Variants in CBFB observed in about 807,000 individuals in gnomAD.
CBFB encodes core-binding factor subunit beta, also known as CBF-beta.
CBFB carries 9 observed loss-of-function variants against 30.4 expected under a neutral mutation model. That is an observed-to-expected ratio of 0.30 (90% CI 0.18 to 0.52). CBFB has a LOEUF of 0.52. CBFB is among the 20% of genes least tolerant of loss of function. CBFB has a pLI of 0.97. For missense variants in CBFB, 170 were observed against 244.0 expected (o/e 0.70, Z 2.02); for synonymous variants, 94 against 84.0 (o/e 1.12, Z -0.65).
chr16:67,073,670 A>G (rs1160063265), intron 4 of CBFB, among the ~76,000 whole-genome samples: 1 of 152,136 alleles, frequency 6.6e-6, no homozygotes, highest in African/African-American at 2.4e-5. Context: ...TAAACCCAGG[A>G]GGTGGAGGTT....
At chr16:67,043,201 G>A (rs1362393731) in intron 3 of CBFB, among the ~76,000 whole-genome samples, 1 of 152,170 alleles carries the variant, frequency 6.6e-6, no homozygotes, top group Non-Finnish European at 1.5e-5. Flanking sequence ...CCAGGAGGCT[G>A]GGATCATTGA....
intron 5 of CBFB, among the ~76,000 whole-genome samples, chr16:67,094,850 A>G (rs1392070223): frequency 6.6e-6 from 1 of 152,232 alleles, no homozygotes; most frequent in East Asian, 1.9e-4. Flanking sequence ...ATTGAAAAGA[A>G]TGTGCTAAAA....
At chr16:67,079,047 T>C (rs551237709) in intron 4 of CBFB, among the ~76,000 whole-genome samples, 4 of 152,344 alleles carry the variant, frequency 2.6e-5, no homozygotes, top group African/African-American at 7.2e-5. Flanking sequence ...AGCATTCTTT[T>C]GCGGCTACCT....
At chr16:67,098,111 G>T (rs565317168) in intron 5 of CBFB, among the ~76,000 whole-genome samples, 1 of 146,028 alleles carries the variant, frequency 6.8e-6, no homozygotes, top group Admixed American at 6.6e-5. Context: ...TTGTTGTGGG[G>T]TTTTTTGTTT....
At position 67,085,349 on chromosome 16, in the gene CBFB, T is replaced by C. The variant is rs557112519; in HGVS notation, c.495+3041T>C. Among the ~76,000 whole-genome samples the C allele has an allele frequency of 2.0e-5, 3 of 152,206 alleles. No homozygotes were observed. The East Asian group carries it at 5.8e-4, about 29-fold the overall frequency. On this transcript the variant is annotated intron_variant, in intron 5 of 5. Transcript: ENST00000412916. ...CACGCCCGGCAAATTTTTGTATTTT[T>C]AGTAGACACGAGGTTTCACCATGTT...
rs199920770 is a variant in CBFB at position 67,033,822 on chromosome 16, T to TG, written c.166-2817_166-2816insG. Among the ~76,000 whole-genome samples the TG allele has an allele frequency of 1.7e-3, 239 of 143,266 alleles. 1 individual carries two copies. Among genetic ancestry groups the TG allele is most frequent in the African/African-American group, 2.4e-3 (92 of 38,246 alleles). The allele number at this position is 143,266 out of a possible 152,430, so 94.0% of individuals were successfully genotyped here. On this transcript the variant is annotated intron_variant, in intron 2 of 5. Transcript: ENST00000412916. Reference sequence around the variant, plus strand: ...GTAGAGACAGAGTTTCACCGTTGTTTTTTTTTTTTTTTTTTTTGAGACGGC... The same window carrying TG: ...GTAGAGACAGAGTTTCACCGTTGTTTGTTTTTTTTTTTTTTTTTGAGACGGC...
rs545530436 is a variant in CBFB, at chr16:67,082,142, A to C, written c.400-71A>C. ...CCACTGTTTCAGGAAAAAAAAAAAA[A>C]AAACAAAACCCAAATATTGTATTTT... is the stretch of plus-strand genomic sequence containing the variant. On this transcript the variant is annotated intron_variant, in intron 4 of 5. Transcript: ENST00000412916. 5 of 1,322,168 alleles carry C rather than the reference A, an allele frequency of 3.8e-6. No homozygotes were observed. The African/African-American group carries it at 6.0e-5, about 16-fold the overall frequency. 81.9% of individuals were successfully genotyped at this position (1,322,168 alleles called of 1,614,324 possible). A position where few individuals can be genotyped will look rare whatever the true frequency, so the allele number is the denominator to read the frequency against.
chr16:67,080,926 G>T (rs1187244748), intron 4 of CBFB, among the ~76,000 whole-genome samples: 4 of 152,058 alleles, frequency 2.6e-5, no homozygotes, highest in African/African-American at 9.7e-5. Flanking sequence ...TGTTTCCAAG[G>T]TGTGGCATAA....
intron 4 of CBFB, 103 bp from the exon 5 acceptor site, chr16:67,082,110 C>T (rs1361547741): frequency 8.7e-6 from 8 of 923,278 alleles, no homozygotes; most frequent in Admixed American, 3.0e-5. Flanking sequence ...TGAGCCACTG[C>T]GCCCGGCCAC....
At chr16:67,046,910 T>A (rs112263671) in intron 3 of CBFB, among the ~76,000 whole-genome samples, 6 of 152,198 alleles carry the variant, frequency 3.9e-5, no homozygotes, top group Middle Eastern at 3.2e-3. Flanking sequence ...TTCCTTTTTT[T>A]ATGAAAGTAT....
At chr16:67,095,429 A>C (rs183155888) in intron 5 of CBFB, among the ~76,000 whole-genome samples, 76 of 152,204 alleles carry the variant, frequency 5.0e-4, no homozygotes, top group African/African-American at 1.8e-3. Context: ...AGGCAGGGGA[A>C]TTGCTTGAAC....
intron 3 of CBFB, among the ~76,000 whole-genome samples, chr16:67,045,930 G>A (rs1024798393): frequency 2.6e-5 from 4 of 151,678 alleles, no homozygotes; most frequent in Non-Finnish European, 4.4e-5. Flanking sequence ...CAAGTAGCTG[G>A]GATTACAGGC....
chr16:67,066,786 G>A lies in CBFB; in HGVS notation c.387G>A (p.Glu129=). 2 of 1,596,800 alleles carry A rather than the reference G, an allele frequency of 1.3e-6. No individual in the cohort carries two copies. The highest frequency in any genetic ancestry group is 1.7e-6 in the Non-Finnish European group (2 of 1,166,536). The change falls in exon 4 of 6, where the codon GAG becomes GAA. Residue 129 remains glutamate, a synonymous_variant. Coordinates refer to ENST00000412916, the MANE Select transcript of CBFB (RefSeq NM_022845.3). ...GTATGGGCTGTCTGGAGTTTGATGA[G>A]GAGCGAGCCCAGGTAGGGTAACATC... ...LDGMGCLEFD[E]ERAQQEDALA... is the part of the protein sequence containing the mutation.
chr16:67,052,167 A>C (rs558837979), intron 3 of CBFB, among the ~76,000 whole-genome samples: 1 of 152,164 alleles, frequency 6.6e-6, no homozygotes, highest in Non-Finnish European at 1.5e-5. Context: ...GGCGTGAGCC[A>C]CTGTGCCTGA....
intron 3 of CBFB, among the ~76,000 whole-genome samples, chr16:67,047,643 G>C (rs1966651904): frequency 1.3e-5 from 2 of 152,160 alleles, no homozygotes; most frequent in African/African-American, 4.8e-5. Flanking sequence ...GGCCCTGTTT[G>C]CAGAACAGTG....
At chr16:67,095,481 C>T (rs1168422606) in intron 5 of CBFB, among the ~76,000 whole-genome samples, 4 of 152,102 alleles carry the variant, frequency 2.6e-5, no homozygotes, top group South Asian at 4.1e-4. Context: ...TGCGTCACTG[C>T]GCTCCAGCCT....
intron 4 of CBFB, among the ~76,000 whole-genome samples, chr16:67,072,946 CA>C (rs1961274047): frequency 6.6e-6 from 1 of 152,106 alleles, no homozygotes. Context: ...TTGCTGGCTT[CA>C]AACGATCCTC....
intron 3 of CBFB, among the ~76,000 whole-genome samples, chr16:67,038,704 AT>A (rs1966483577): frequency 6.6e-6 from 1 of 150,382 alleles, no homozygotes; most frequent in Admixed American, 6.6e-5. Flanking sequence ...TGAAGAAATT[AT>A]TTTTTTTCTT....
chr16:67,069,538 G>A (rs1347987039), intron 4 of CBFB, among the ~76,000 whole-genome samples: 3 of 152,214 alleles, frequency 2.0e-5, no homozygotes, highest in South Asian at 4.1e-4. Flanking sequence ...TTTCAGGAAA[G>A]GAAAGAAAGA....
Sources: allele counts gnomAD v4.1 joint callset (sites outside exome capture counted in the v4.1 genomes callset), GRCh38; gene constraint gnomAD v4.1.1; transcripts MANE v1.5; gene names NCBI Gene and HGNC (gene_info 2026-07-23, HGNC 2026-07-21).